Variants in ABI3BP observed in about 807,000 individuals in gnomAD.
ABI3BP encodes the protein target of Nesh-SH3.
ABI3BP carries 216 observed loss-of-function variants against 268.6 expected under a neutral mutation model. The observed-to-expected ratio is 0.80, with a 90% CI of 0.72 to 0.90. The LOEUF is 0.90. Among genes scored for constraint, ABI3BP ranks in the 40% least tolerant of loss-of-function variants. ABI3BP has a pLI of 0.00. For missense variants in ABI3BP, 2,090 were observed against 2,182.4 expected (o/e 0.96, Z 0.84); for synonymous variants, 730 against 730.0 (o/e 1.00, Z 0.00).
chr3:100,752,741 T>C, intron 66 of ABI3BP, 46 bp downstream of exon 66: 2 of 1,592,244 alleles, frequency 1.3e-6, no homozygotes, highest in Non-Finnish European at 1.7e-6. Flanking sequence ...CTGCAAAACA[T>C]TCCCATAAGT....
chr3:100,772,214 C>G, intron 61 of ABI3BP, among the ~76,000 whole-genome samples: 1 of 152,098 alleles, frequency 6.6e-6, no homozygotes, highest in Non-Finnish European at 1.5e-5. Flanking sequence ...ATTTATTTGC[C>G]AGAAGGCCCA....
Position 100,822,624 on chromosome 3 carries a change from G to A in ABI3BP, c.2852C>T (p.Thr951Ile), listed in dbSNP as rs897752971. The A allele has an allele frequency of 1.3e-6, 2 of 1,536,538 alleles. No individual in the cohort carries two copies. Among genetic ancestry groups the A allele is most frequent in the African/African-American group, 2.7e-5 (2 of 73,054 alleles). Reference sequence around the variant, plus strand: ...TTCAGGTGCTTCAGGACGTGGTGTGGTTTTTGTTCTGAGACGTGGACGACG... The same window carrying A: ...TTCAGGTGCTTCAGGACGTGGTGTGATTTTTGTTCTGAGACGTGGACGACG... ...RTRRPRLRTK[T>I]TPRPEAPESK... The change falls in exon 38 of 68, where the codon ACC (threonine) becomes ATC (isoleucine). Residue 951 changes from threonine (T) to isoleucine (I), a missense_variant. Thr to Ile is a moderately conservative substitution (Grantham distance 89). Transcript: ENST00000471714.
intron 1 of ABI3BP, among the ~76,000 whole-genome samples, chr3:100,937,017 A>G (rs974850232): frequency 9.2e-5 from 14 of 151,976 alleles, no homozygotes; most frequent in African/African-American, 2.4e-4. Context: ...GTCTTCTGCT[A>G]TCTTTTGAAA....
chr3:100,771,952 G>C (rs1376246283), intron 61 of ABI3BP, among the ~76,000 whole-genome samples: 1 of 152,130 alleles, frequency 6.6e-6, no homozygotes, highest in Non-Finnish European at 1.5e-5. Flanking sequence ...CTATATGCCA[G>C]TCATAATCAA....
At chr3:100,931,042 C>A (rs575622281) in intron 1 of ABI3BP, 3 of 152,142 alleles carry the variant, frequency 2.0e-5, no homozygotes, top group Admixed American at 6.6e-5. Context: ...TTAACATATG[C>A]AAATTAATAA....
Position 100,951,789 on chromosome 3 carries a change from G to T in ABI3BP, c.80-25308C>A, listed in dbSNP as rs7613669. On this transcript the variant is annotated intron_variant, in intron 1 of 67. Transcript: ENST00000471714. ...TGGAGCAGTGGTTCTCTTCTGAAAG[G>T]CTAAACTTCTAATTAAAGAGTGAGT... Among the ~76,000 whole-genome samples the T allele has an allele frequency of 4.3e-3, 659 of 151,964 alleles. 13 individuals are homozygous for T. The highest frequency in any genetic ancestry group is 0.015 in the African/African-American group (611 of 41,322).
chr3:100,837,669 A>G (rs2098622828), intron 26 of ABI3BP, among the ~76,000 whole-genome samples: 1 of 152,142 alleles, frequency 6.6e-6, no homozygotes, highest in East Asian at 1.9e-4. Context: ...AGGCAGGAGA[A>G]TCACTTGAAC....
intron 4 of ABI3BP, among the ~76,000 whole-genome samples, chr3:100,890,328 C>T (rs754739739): frequency 6.6e-6 from 1 of 152,140 alleles, no homozygotes; most frequent in African/African-American, 2.4e-5. Context: ...GAGACTGTAA[C>T]TACTGAGAAA....
chr3:100,990,964 G>A (rs2092818249), intron 1 of ABI3BP, among the ~76,000 whole-genome samples: 1 of 152,154 alleles, frequency 6.6e-6, no homozygotes, highest in Non-Finnish European at 1.5e-5. Flanking sequence ...GTGGGAAAAT[G>A]AGAAAAATAA....
intron 24 of ABI3BP, 33 bp from the exon 25 acceptor site, chr3:100,838,497 G>A (rs2098639576): frequency 1.1e-5 from 17 of 1,483,810 alleles, no homozygotes; most frequent in Non-Finnish European, 1.5e-5. Flanking sequence ...TACCACAATG[G>A]GTCATGGCTG....
chr3:100,803,682 T>A (rs546171847), intron 51 of ABI3BP, among the ~76,000 whole-genome samples: 4 of 152,330 alleles, frequency 2.6e-5, no homozygotes, highest in Middle Eastern at 3.4e-3. Flanking sequence ...AATCTACTGT[T>A]ATCTATAACA....
Position 100,749,723 on chromosome 3 carries a change from CAT to C in ABI3BP, c.*770_*771del, listed in dbSNP as rs2095220553. ...TCTCTACATACAGCTTGATTAGAAT[CAT>C]AAAAACAATATGAAGACGATTGCAT... On this transcript the variant is annotated 3_prime_UTR_variant, in exon 68 of 68. Coordinates refer to ENST00000471714, the MANE Select transcript of ABI3BP (RefSeq NM_001375547.2). The C allele has an allele frequency of 2.5e-6, 1 of 398,304 alleles. No homozygotes were observed. The highest frequency in any genetic ancestry group is 4.4e-6 in the Non-Finnish European group (1 of 225,802). The allele number at this position is 398,304 out of a possible 1,614,324, so 24.7% of individuals were successfully genotyped here.
At position 100,782,934 on chromosome 3, in the gene ABI3BP, G is replaced by A. The variant is rs143141963; in HGVS notation, c.4163-2725C>T. Among the ~76,000 whole-genome samples, 36 of 152,170 alleles carry A rather than the reference G, an allele frequency of 2.4e-4. 1 individual carries two copies. The East Asian group carries it at 6.8e-3, about 29-fold the overall frequency. ...CTAAAGGGCAGAGTCAGCTCTGTAAGCATCAAGACTTGAGCCTCAGAATGA... is the reference window on the plus strand; with the variant it reads ...CTAAAGGGCAGAGTCAGCTCTGTAAACATCAAGACTTGAGCCTCAGAATGA... On this transcript the variant is annotated intron_variant, in intron 57 of 67. Transcript: ENST00000471714.
chr3:100,792,754 A>G lies in ABI3BP; in HGVS notation c.3961T>C (p.Ser1321Pro). The change falls in exon 55 of 68, where the codon TCC (serine) becomes CCC (proline). Residue 1321 changes from serine (S) to proline (P), a missense_variant. Physicochemically the swap from Ser to Pro is moderately conservative, Grantham distance 74. Coordinates refer to ENST00000471714, the MANE Select transcript of ABI3BP (RefSeq NM_001375547.2). ...TTAGTTGTGAAAGGTTCTTGGGTGG[A>G]TTGGTCTGTTTCTTCTAGAGAAAAC... The part of the protein sequence containing the change: ...LQTTLEETDQ[S>P]TQEPFTTKIP... 6.2e-7 allele frequency: 1 copy of G among 1,611,408 alleles called. No individual in the cohort carries two copies. Among genetic ancestry groups the G allele is most frequent in the Non-Finnish European group, 8.5e-7 (1 of 1,178,202 alleles).
intron 1 of ABI3BP, among the ~76,000 whole-genome samples, chr3:100,977,558 T>C (rs140718867): frequency 2.0e-4 from 30 of 152,324 alleles, no homozygotes; most frequent in African/African-American, 6.5e-4. Context: ...GACCTCTCCA[T>C]AGATCTGCGT....
At chr3:100,901,974 T>A (rs1198430064) in intron 3 of ABI3BP, among the ~76,000 whole-genome samples, 2 of 152,184 alleles carry the variant, frequency 1.3e-5, no homozygotes, top group Non-Finnish European at 2.9e-5. Context: ...TTCTACTTAC[T>A]TATTTATATA....
chr3:100,851,879 G>A lies in ABI3BP; in HGVS notation c.1347C>T (p.Tyr449=). 1 of 1,592,462 alleles carries A rather than the reference G, an allele frequency of 6.3e-7. No homozygotes were observed. The highest frequency in any genetic ancestry group is 8.6e-7 in the Non-Finnish European group (1 of 1,169,540). ...TSDEPEISDS[Y]TATSDRILDS... ...GAATTGAGAGGCCAGATATACCTGTGTAGGAATCTGATATCTCAGGCTCAT... is the reference window on the plus strand; with the variant it reads ...GAATTGAGAGGCCAGATATACCTGTATAGGAATCTGATATCTCAGGCTCAT... Residue 449 remains tyrosine (Y), a synonymous_variant, in exon 15 of 68, where the codon TAC becomes TAT. Coordinates refer to ENST00000471714, the MANE Select transcript of ABI3BP (RefSeq NM_001375547.2).
chr3:100,930,258 G>A lies in ABI3BP; in HGVS notation c.80-3777C>T, dbSNP rs1044642176. Among the ~76,000 whole-genome samples, 7 of 151,932 alleles carry A rather than the reference G, an allele frequency of 4.6e-5. No individual in the cohort carries two copies. The East Asian group carries it at 9.7e-4, about 21-fold the overall frequency. ...AGAAAAATAAGACTACTGGAAGAACGTTTTATTGCACCGTATATGAGGAAC... is the reference window on the plus strand; with the variant it reads ...AGAAAAATAAGACTACTGGAAGAACATTTTATTGCACCGTATATGAGGAAC... On this transcript the variant is annotated intron_variant, in intron 1 of 67. Transcript: ENST00000471714.
At position 100,841,016 on chromosome 3, in the gene ABI3BP, T is replaced by C. The variant is rs1329255419; in HGVS notation, c.1766-158A>G. On this transcript the variant is annotated intron_variant, in intron 21 of 67. Coordinates refer to ENST00000471714, the MANE Select transcript of ABI3BP (RefSeq NM_001375547.2). Reference sequence around the variant, plus strand: ...ATGCAAAGTTTCTTTTCTACTTCAATAGATTCCTGTGTTTTCGACAAAGCG... The same window carrying C: ...ATGCAAAGTTTCTTTTCTACTTCAACAGATTCCTGTGTTTTCGACAAAGCG... Among the ~76,000 whole-genome samples the C allele has an allele frequency of 2.0e-5, 3 of 152,100 alleles. No individual in the cohort carries two copies. The South Asian group carries it at 6.2e-4, about 32-fold the overall frequency.
Sources: allele counts gnomAD v4.1 joint callset (sites outside exome capture counted in the v4.1 genomes callset), GRCh38; gene constraint gnomAD v4.1.1; transcripts MANE v1.5; gene names NCBI Gene and HGNC (gene_info 2026-07-23, HGNC 2026-07-21).